GPC6: variants seen among roughly 807,000 people sequenced by gnomAD.
GPC6 encodes glypican-6.
A neutral mutation model predicts 55.2 loss-of-function variants in GPC6; 14 were observed. That is an observed-to-expected ratio of 0.25 (90% CI 0.17 to 0.40). The LOEUF (loss-of-function observed/expected upper bound fraction) is 0.40. Ranked by LOEUF, GPC6 falls within the 10% of genes least tolerant of loss-of-function variation. The pLI, the probability that GPC6 is intolerant of heterozygous loss-of-function variation, is 1.00. For synonymous variants in GPC6, 278 were observed against 259.6 expected, an observed-to-expected ratio of 1.07 and a Z score of -0.68; for missense variants, 641 against 708.5, an observed-to-expected ratio of 0.90 and a Z score of 1.08.
intron 7 of GPC6, 58 bp from the exon 8 acceptor site, chr13:94,398,408 T>C: frequency 7.8e-7 from 1 of 1,289,134 alleles, no homozygotes; most frequent in Non-Finnish European, 1.1e-6. Context: ...TGGCAGCATC[T>C]GGTTTTACAG....
intron 3 of GPC6, among the ~76,000 whole-genome samples, chr13:93,941,124 T>G (rs971101749): frequency 1.3e-5 from 2 of 152,196 alleles, no homozygotes; most frequent in African/African-American, 4.8e-5. Flanking sequence ...CTGTCATACT[T>G]GCTATGATGA....
intron 4 of GPC6, among the ~76,000 whole-genome samples, chr13:94,194,958 A>G (rs1889522283): frequency 6.6e-6 from 1 of 152,180 alleles, no homozygotes; most frequent in Admixed American, 6.5e-5. Flanking sequence ...ACACACACAC[A>G]TAACCAAGGG....
chr13:94,221,336 T>A (rs1406241144), intron 4 of GPC6, among the ~76,000 whole-genome samples: 2 of 152,122 alleles, frequency 1.3e-5, no homozygotes, highest in Non-Finnish European at 2.9e-5. Flanking sequence ...GTCAGTCTTC[T>A]AATGGAGCTA....
intron 2 of GPC6, among the ~76,000 whole-genome samples, chr13:93,681,369 T>C (rs191740618): frequency 1.6e-4 from 25 of 152,282 alleles, no homozygotes; most frequent in Admixed American, 1.4e-3. Flanking sequence ...ATTTGAAAAA[T>C]ACTTATATAT....
chr13:93,800,293 C>T (rs979971498), intron 2 of GPC6, among the ~76,000 whole-genome samples: 11 of 152,166 alleles, frequency 7.2e-5, no homozygotes, highest in African/African-American at 2.7e-4. Context: ...TACTGTGGAG[C>T]TTAAACCATA....
chr13:93,392,701 A>C (rs540381473), intron 1 of GPC6, among the ~76,000 whole-genome samples: 7 of 152,288 alleles, frequency 4.6e-5, no homozygotes, highest in South Asian at 4.1e-4. Flanking sequence ...CAAGTTTTGC[A>C]CTTGTTTCAA....
chr13:94,359,729 A>T (rs1180083349), intron 6 of GPC6, among the ~76,000 whole-genome samples: 2 of 152,118 alleles, frequency 1.3e-5, no homozygotes, highest in African/African-American at 2.4e-5. Context: ...ATCTATTAAC[A>T]GAAAGCCCCT....
At chr13:93,916,704 A>G (rs1877311960) in intron 3 of GPC6, among the ~76,000 whole-genome samples, 1 of 152,094 alleles carries the variant, frequency 6.6e-6, no homozygotes, top group Admixed American at 6.5e-5. Flanking sequence ...CTTTAAGTTA[A>G]TACGAAACTG....
At chr13:93,678,286 A>G (rs1881722604) in intron 2 of GPC6, among the ~76,000 whole-genome samples, 1 of 152,192 alleles carries the variant, frequency 6.6e-6, no homozygotes. Flanking sequence ...TATACAATAC[A>G]TAGCATTCCA....
At chr13:93,720,039 A>G (rs962965060) in intron 2 of GPC6, among the ~76,000 whole-genome samples, 8 of 151,702 alleles carry the variant, frequency 5.3e-5, no homozygotes, top group African/African-American at 1.7e-4. Context: ...TTGGCCTGAA[A>G]TTTTCTTTTT....
chr13:93,932,705 G>C (rs118071021), intron 3 of GPC6, among the ~76,000 whole-genome samples: 1 of 152,056 alleles, frequency 6.6e-6, no homozygotes, highest in Non-Finnish European at 1.5e-5. Flanking sequence ...CTGGCTCTGG[G>C]ACCGTGAGCC....
intron 1 of GPC6, among the ~76,000 whole-genome samples, chr13:93,518,176 C>G (rs2590532): frequency 0.94 from 143,230 of 151,910 alleles, 68,087 homozygotes; most frequent in East Asian, 1. Context: ...TTATGTCTAT[C>G]GAAGAGAAAA....
At chr13:93,946,450 T>C (rs547351927) in intron 3 of GPC6, among the ~76,000 whole-genome samples, 1 of 152,228 alleles carries the variant, frequency 6.6e-6, no homozygotes, top group African/African-American at 2.4e-5. Context: ...ATTTTTAATA[T>C]GACTTACTTA....
At chr13:93,829,809 C>T (rs751319948) in intron 2 of GPC6, among the ~76,000 whole-genome samples, 15 of 152,050 alleles carry the variant, frequency 9.9e-5, no homozygotes, top group African/African-American at 1.9e-4. Context: ...ATACTCTGCA[C>T]GTTATATTTG....
At chr13:94,045,023 G>A (rs1245368811) in intron 4 of GPC6, among the ~76,000 whole-genome samples, 3 of 151,746 alleles carry the variant, frequency 2.0e-5, no homozygotes, top group African/African-American at 7.3e-5. Flanking sequence ...AATAGCCTAT[G>A]TTACCACAGC....
chr13:94,013,892 C>T (rs1882350780), intron 3 of GPC6, among the ~76,000 whole-genome samples: 1 of 152,152 alleles, frequency 6.6e-6, no homozygotes. Flanking sequence ...TTCCTTTTAT[C>T]CCAGACTCAG....
intron 2 of GPC6, among the ~76,000 whole-genome samples, chr13:93,711,203 G>A (rs1883046072): frequency 6.6e-6 from 1 of 151,760 alleles, no homozygotes; most frequent in Non-Finnish European, 1.5e-5. Flanking sequence ...ATGTTTTCAA[G>A]GTCTTGTGTA....
intron 4 of GPC6, among the ~76,000 whole-genome samples, chr13:94,072,488 G>A (rs943274430): frequency 2.0e-5 from 3 of 152,058 alleles, no homozygotes; most frequent in Non-Finnish European, 4.4e-5. Context: ...CAAGTAGCTG[G>A]GACTACAGGC....
At chr13:93,783,672 C>T (rs1885730539) in intron 2 of GPC6, among the ~76,000 whole-genome samples, 1 of 152,120 alleles carries the variant, frequency 6.6e-6, no homozygotes, top group African/African-American at 2.4e-5. Context: ...CACTGTTATT[C>T]TCTGAAGAGT....
Sources: allele counts gnomAD v4.1 joint callset (sites outside exome capture counted in the v4.1 genomes callset), GRCh38; gene constraint gnomAD v4.1.1; transcripts MANE v1.5; gene names NCBI Gene and HGNC (gene_info 2026-07-23, HGNC 2026-07-21).